Variants in CHL1 observed in about 807,000 individuals in gnomAD.
The protein encoded by CHL1 is cell adhesion molecule L1 like, also known as neural cell adhesion molecule L1-like protein.
A neutral mutation model predicts 141.9 loss-of-function variants in CHL1; 96 were observed. That is an observed-to-expected ratio of 0.68 (90% CI 0.57 to 0.80). CHL1 has a LOEUF of 0.80. Ranked by LOEUF, CHL1 falls within the 30% of genes least tolerant of loss-of-function variation. The probability of loss-of-function intolerance (pLI) is 0.00; values close to 1 mark genes in which losing one functional copy is unlikely to be tolerated. For missense variants in CHL1, 1,820 were observed against 1,457.2 expected (o/e 1.25, Z -4.05); for synonymous variants, 613 against 502.2 (o/e 1.22, Z -2.95).
At position 311,855 on chromosome 3, in the gene CHL1, A is replaced by G. The variant is rs577280020; in HGVS notation, c.-94-7828A>G. On this transcript the variant is annotated intron_variant, in intron 2 of 27. Transcript: ENST00000256509. ...CCCTACAGGAATTTCACAGCTATAT[A>G]AGTTGTTTTCTGAGAAATAACTCAG... 4.6e-5 allele frequency among the ~76,000 whole-genome samples: 7 copies of G among 152,286 alleles called. No homozygotes were observed. In the South Asian group the frequency reaches 1.5e-3, roughly 32 times the overall value.
At chr3:368,988 T>C (rs1337071139) in intron 15 of CHL1, among the ~76,000 whole-genome samples, 1 of 152,238 alleles carries the variant, frequency 6.6e-6, no homozygotes, top group African/African-American at 2.4e-5. Flanking sequence ...GCTGTTTTGG[T>C]TACTGTCGCC....
chr3:330,557 A>T (rs1416381942), intron 5 of CHL1, among the ~76,000 whole-genome samples: 1 of 152,166 alleles, frequency 6.6e-6, no homozygotes, highest in Non-Finnish European at 1.5e-5. Context: ...ATCCATATTT[A>T]TTAAAAAAAG....
In CHL1 at chr3:389,249, T is replaced by C; in HGVS notation, c.2248-3T>C. On this transcript the variant is annotated splice_polypyrimidine_tract_variant and splice_region_variant and intron_variant, in intron 19 of 27. Coordinates refer to ENST00000256509, the MANE Select transcript of CHL1 (RefSeq NM_006614.4). ...ACTAAATGAGTCTTGCCTTCTGTTTTAGCCTTTGAAATCCATGGAGCAGAA... is the reference window on the plus strand; with the variant it reads ...ACTAAATGAGTCTTGCCTTCTGTTTCAGCCTTTGAAATCCATGGAGCAGAA... 3 of 1,595,718 alleles carry C rather than the reference T, an allele frequency of 1.9e-6. No homozygotes were observed. The highest frequency in any genetic ancestry group is 1.1e-5 in the South Asian group (1 of 88,636).
At chr3:353,983 G>A (rs1349709395) in intron 10 of CHL1, among the ~76,000 whole-genome samples, 1 of 152,104 alleles carries the variant, frequency 6.6e-6, no homozygotes, top group Non-Finnish European at 1.5e-5. Context: ...TTGTAGTATT[G>A]TTACACTGGA....
intron 1 of CHL1, among the ~76,000 whole-genome samples, chr3:242,410 C>A (rs185960893): frequency 1.4e-5 from 2 of 139,668 alleles, no homozygotes; most frequent in Admixed American, 1.5e-4. Flanking sequence ...TCCTGGCTAA[C>A]ACGGTGAAAC....
intron 2 of CHL1, among the ~76,000 whole-genome samples, chr3:266,139 TC>T (rs1257606374): frequency 6.6e-6 from 1 of 152,188 alleles, no homozygotes; most frequent in East Asian, 1.9e-4. Flanking sequence ...GATCCATCTT[TC>T]TTGCACTTTG....
At chr3:267,382 T>G (rs561791243) in intron 2 of CHL1, among the ~76,000 whole-genome samples, 1 of 152,294 alleles carries the variant, frequency 6.6e-6, no homozygotes, top group African/African-American at 2.4e-5. Context: ...ATAAGGTGAT[T>G]TAGGCCTTGG....
intron 2 of CHL1, among the ~76,000 whole-genome samples, chr3:303,474 A>T (rs535361280): frequency 6.6e-6 from 1 of 152,132 alleles, no homozygotes; most frequent in Non-Finnish European, 1.5e-5. Context: ...TTGTATTCCT[A>T]GGCATTTTAT....
chr3:338,654 A>G (rs941848002), intron 5 of CHL1, among the ~76,000 whole-genome samples: 3 of 152,358 alleles, frequency 2.0e-5, no homozygotes, highest in South Asian at 2.1e-4. Flanking sequence ...TTATTGATGT[A>G]TAAGTATGCG....
intron 2 of CHL1, among the ~76,000 whole-genome samples, chr3:268,197 A>T (rs1424680570): frequency 2.0e-5 from 3 of 152,322 alleles, no homozygotes; most frequent in Non-Finnish European, 2.9e-5. Flanking sequence ...TGGAATAATA[A>T]AGTGTTTTAG....
At chr3:393,806 T>C (rs1321144938) in intron 23 of CHL1, among the ~76,000 whole-genome samples, 2 of 152,202 alleles carry the variant, frequency 1.3e-5, no homozygotes, top group Non-Finnish European at 2.9e-5. Flanking sequence ...CCTCCTTCTT[T>C]CCAATGTTTG....
intron 2 of CHL1, among the ~76,000 whole-genome samples, chr3:300,298 T>C (rs1698607664): frequency 6.6e-6 from 1 of 151,912 alleles, no homozygotes; most frequent in Non-Finnish European, 1.5e-5. Context: ...ATTTACTGAG[T>C]TTGTGGGGGC....
intron 7 of CHL1, 115 bp from the exon 8 acceptor site, chr3:342,869 A>T: frequency 1.4e-6 from 1 of 694,490 alleles, no homozygotes; most frequent in Non-Finnish European, 2.4e-6. Flanking sequence ...CTAGTGAAGC[A>T]TGGTTCTACA....
intron 4 of CHL1, among the ~76,000 whole-genome samples, chr3:326,827 A>C (rs1032625377): frequency 6.6e-6 from 1 of 151,948 alleles, no homozygotes; most frequent in Non-Finnish European, 1.5e-5. Context: ...ATATTTAATG[A>C]AAATTGATGA....
rs1456823968 is a variant in CHL1 at position 405,616 on chromosome 3, G to A, written c.3580G>A (p.Asp1194Asn). The change falls in exon 28 of 28, where the codon GAT becomes AAT. Residue 1194 changes from aspartate (D) to asparagine (N), a missense_variant. Asp to Asn is a conservative substitution (Grantham distance 23, BLOSUM62 1). Transcript: ENST00000256509. ...GGGAGACCATGGTCTCTTCAGTGAA[G>A]ATGGATCATTTATTGGTGCCTACGC... ...GEGDHGLFSE[D>N]GSFIGAYAGS... is the part of the protein sequence containing the mutation. 1 of 1,613,460 alleles carries A rather than the reference G, an allele frequency of 6.2e-7. No individual in the cohort carries two copies. Among genetic ancestry groups the A allele is most frequent in the Admixed American group, 1.7e-5 (1 of 59,976 alleles).
intron 3 of CHL1, among the ~76,000 whole-genome samples, chr3:324,539 T>G (rs549421843): frequency 6.6e-6 from 1 of 152,076 alleles, no homozygotes; most frequent in African/African-American, 2.4e-5. Flanking sequence ...AAATTTATTT[T>G]ATAGTTGTAA....
intron 1 of CHL1, among the ~76,000 whole-genome samples, chr3:207,189 A>C (rs1699518130): frequency 6.6e-6 from 1 of 152,228 alleles, no homozygotes; most frequent in African/African-American, 2.4e-5. Flanking sequence ...TGTATTTTTA[A>C]GATATGCATA....
intron 2 of CHL1, among the ~76,000 whole-genome samples, chr3:265,861 TC>T (rs780948479): frequency 3.3e-5 from 5 of 152,192 alleles, no homozygotes; most frequent in Non-Finnish European, 5.9e-5. Flanking sequence ...GAGAGATTTC[TC>T]CTCAGTATTC....
intron 10 of CHL1, among the ~76,000 whole-genome samples, chr3:350,071 G>A (rs896869801): frequency 6.6e-6 from 1 of 152,196 alleles, no homozygotes. Flanking sequence ...CATATCTTGG[G>A]TTCAGATGAT....
Sources: gnomAD v4.1 joint callset for allele counts (sites outside exome capture counted in the v4.1 genomes callset) on GRCh38, gnomAD v4.1.1 for gene constraint, MANE v1.5 for transcripts, NCBI Gene and HGNC (gene_info 2026-07-23, HGNC 2026-07-21) for gene names.